The following TPGS2 variants were observed in gnomAD, a reference collection of about 807,000 sequenced individuals.
TPGS2 encodes the protein tubulin polyglutamylase complex subunit 2, also known as polyglutamylase subunit 2.
A neutral mutation model predicts 31.1 loss-of-function variants in TPGS2; 26 were observed. That is an observed-to-expected ratio of 0.84 (90% CI 0.61 to 1.16). The LOEUF (loss-of-function observed/expected upper bound fraction) is 1.16. Ranked by LOEUF, TPGS2 falls within the 50% of genes most tolerant of loss-of-function variation. The pLI, the probability that TPGS2 is intolerant of heterozygous loss-of-function variation, is 0.00. For synonymous variants in TPGS2, 130 were observed against 136.6 expected (o/e 0.95, Z 0.34); for missense variants, 351 against 363.8 (o/e 0.96, Z 0.29).
At position 36,795,572 on chromosome 18, in the gene TPGS2, T is replaced by C; in HGVS notation, c.*1233A>G. The C allele has an allele frequency of 2.0e-6, 2 of 985,454 alleles. No homozygotes were observed. The highest frequency in any genetic ancestry group is 1.2e-6 in the Non-Finnish European group (1 of 829,942). The allele number at this position is 985,454 out of a possible 1,614,324, so 61.0% of individuals were successfully genotyped here. ...CAGGACTGTAGAGGGAGGAAATAAA[T>C]AGGCATTCCTAATTGAAAATCTGAG... is the stretch of plus-strand genomic sequence containing the variant. On this transcript the variant is annotated 3_prime_UTR_variant, in exon 7 of 7. Transcript: ENST00000334295.
chr18:36,793,045 G>A (rs1319526323), downstream of TPGS2, among the ~76,000 whole-genome samples: 1 of 152,126 alleles, frequency 6.6e-6, no homozygotes, highest in Non-Finnish European at 1.5e-5. Flanking sequence ...TCTTTTGCCA[G>A]AAGCGCTCCC....
intron 2 of TPGS2, among the ~76,000 whole-genome samples, chr18:36,817,433 CTT>C (rs111810411): frequency 7.2e-4 from 102 of 140,982 alleles, no homozygotes; most frequent in Non-Finnish European, 7.7e-4. Context: ...TTCTTTCTTT[CTT>C]TTTTTTTTTT....
At position 36,811,406 on chromosome 18, in the gene TPGS2, A is replaced by C. The variant is rs530226388; in HGVS notation, c.166-3472T>G. On this transcript the variant is annotated intron_variant, in intron 2 of 6. Coordinates refer to ENST00000334295, the MANE Select transcript of TPGS2 (RefSeq NM_015476.4). ...AGGAAAGGTAGCATACTTTTTCCAA[A>C]ATCCTTTCTCCACAGAACCATTAGT... Among the ~76,000 whole-genome samples the C allele has an allele frequency of 5.3e-5, 8 of 152,326 alleles. No homozygotes were observed. The South Asian group carries it at 1.7e-3, about 32-fold the overall frequency.
intron 2 of TPGS2, among the ~76,000 whole-genome samples, chr18:36,813,886 G>A: frequency 6.6e-6 from 1 of 152,178 alleles, no homozygotes; most frequent in South Asian, 2.1e-4. Flanking sequence ...AGCATGAAGT[G>A]AGGGGGTCAC....
chr18:36,782,250 CA>C (rs1428305735), downstream of TPGS2, among the ~76,000 whole-genome samples: 1 of 152,150 alleles, frequency 6.6e-6, no homozygotes, highest in Non-Finnish European at 1.5e-5. Flanking sequence ...TTTTAGGGAT[CA>C]AAAAGTTCAC....
At position 36,794,281 on chromosome 18, in the gene TPGS2, C is replaced by G. The variant is rs2044420130; in HGVS notation, c.*2524G>C. On this transcript the variant is annotated 3_prime_UTR_variant, in exon 7 of 7. Transcript: ENST00000334295. ...AAAAGCCTCACATCTTCATTTTGTA[C>G]TGGATCCTGCACTGAGTGGAGTCAG... 1 of 985,308 alleles carries G rather than the reference C, an allele frequency of 1.0e-6. No individual in the cohort carries two copies. Among genetic ancestry groups the G allele is most frequent in the Non-Finnish European group, 1.2e-6 (1 of 829,920 alleles). 61.0% of individuals were successfully genotyped at this position (985,308 alleles called of 1,614,324 possible).
chr18:36,818,789 G>C (rs754292699), intron 2 of TPGS2, 105 bp downstream of exon 2: 7 of 1,038,264 alleles, frequency 6.7e-6, no homozygotes, highest in Non-Finnish European at 8.6e-6. Flanking sequence ...CTTGAAAGCA[G>C]CTGTGGTCTG....
At chr18:36,810,052 A>G (rs2045348222) in intron 2 of TPGS2, among the ~76,000 whole-genome samples, 1 of 152,222 alleles carries the variant, frequency 6.6e-6, no homozygotes, top group Non-Finnish European at 1.5e-5. Flanking sequence ...ATATACATAA[A>G]AATATTCAAG....
chr18:36,780,165 G>C (rs2043968935), downstream of TPGS2: 1 of 1,231,788 alleles, frequency 8.1e-7, no homozygotes, highest in East Asian at 3.2e-5. Flanking sequence ...ACCCTCGCTT[G>C]GAACGGCCTT....
Position 36,805,498 on chromosome 18 carries a change from G to A in TPGS2, c.258C>T (p.His86=), listed in dbSNP as rs1180250961. 4 of 1,614,092 alleles carry A rather than the reference G, an allele frequency of 2.5e-6. No individual in the cohort carries two copies. The Admixed American group carries it at 6.7e-5, about 27-fold the overall frequency. ...HMTWSVKLDE[H]IIPLGSMAIN... Reference sequence around the variant, plus strand: ...TTGCCATGCTTCCCAGTGGAATGATGTGCTCTAGGGGAACATGCGTTAAGG... The same window carrying A: ...TTGCCATGCTTCCCAGTGGAATGATATGCTCTAGGGGAACATGCGTTAAGG... The change falls in exon 4 of 7, where the codon CAC becomes CAT. Residue 86 remains histidine, a synonymous_variant. Transcript: ENST00000334295.
chr18:36,823,944 T>C, intron 1 of TPGS2: 1 of 762,460 alleles, frequency 1.3e-6, no homozygotes, highest in Non-Finnish European at 1.6e-6. Flanking sequence ...TACTGAGACA[T>C]AATTCGCATA....
rs982198686 is a variant in TPGS2 at position 36,786,625 on chromosome 18, G to A, written c.658-3494C>T. ...TATCTTATTGTCACAAAGTTGTTCC[G>A]TCAGTCTTATGATCTCTCTTTTAAT... On this transcript the variant is annotated intron_variant, in intron 6 of 6. Coordinates refer to the TPGS2 transcript ENST00000587129. 17 of 391,672 alleles carry A rather than the reference G, an allele frequency of 4.3e-5. No homozygotes were observed. The South Asian group carries it at 9.9e-4, about 23-fold the overall frequency. The allele number at this position is 391,672 out of a possible 1,614,324, so 24.3% of individuals were successfully genotyped here. A position where few individuals can be genotyped will look rare whatever the true frequency, so the allele number is the denominator to read the frequency against.
chr18:36,811,992 T>C (rs1600806457), intron 2 of TPGS2, among the ~76,000 whole-genome samples: 1 of 152,316 alleles, frequency 6.6e-6, no homozygotes, highest in Middle Eastern at 3.4e-3. Flanking sequence ...CTGCTGGACA[T>C]TAAAATGTAA....
In TPGS2 at chr18:36,794,413, A is replaced by G; in HGVS notation, c.*2392T>C. ...GAGAACTCCCACTTGATTGCCACAG[A>G]TTTGAGTGACACCGCTGACCTCCTG... On this transcript the variant is annotated 3_prime_UTR_variant, in exon 7 of 7. Transcript: ENST00000334295. The G allele has an allele frequency of 1.0e-6, 1 of 985,430 alleles. No individual in the cohort carries two copies. Among genetic ancestry groups the G allele is most frequent in the Non-Finnish European group, 1.2e-6 (1 of 829,942 alleles). The allele number at this position is 985,430 out of a possible 1,614,324, so 61.0% of individuals were successfully genotyped here.
intron 1 of TPGS2, among the ~76,000 whole-genome samples, chr18:36,824,905 G>A (rs549566076): frequency 2.6e-4 from 40 of 152,098 alleles, no homozygotes; most frequent in African/African-American, 9.2e-4. Flanking sequence ...TTTGTGATAT[G>A]TAAGAATCCA....
At chr18:36,822,325 T>C (rs1326771415) in intron 1 of TPGS2, among the ~76,000 whole-genome samples, 1 of 152,232 alleles carries the variant, frequency 6.6e-6, no homozygotes, top group Non-Finnish European at 1.5e-5. Context: ...AGCCTGTGCA[T>C]GGATTCCTCT....
rs2044536159 is a variant in TPGS2, at chr18:36,796,585, A to C, written c.*220T>G. On this transcript the variant is annotated 3_prime_UTR_variant, in exon 7 of 7. Coordinates refer to ENST00000334295, the MANE Select transcript of TPGS2 (RefSeq NM_015476.4). ...TATTTGGGCACTTACACAAGATTCC[A>C]AATTCCCCATTGCTTCCAGAGGCAG... 5 of 1,329,434 alleles carry C rather than the reference A, an allele frequency of 3.8e-6. No homozygotes were observed. The highest frequency in any genetic ancestry group is 4.8e-6 in the Non-Finnish European group (5 of 1,047,454). The allele number at this position is 1,329,434 out of a possible 1,614,324, so 82.4% of individuals were successfully genotyped here.
At chr18:36,817,706 A>G (rs2509889) in intron 2 of TPGS2, 59,663 of 152,098 alleles carry the variant, frequency 0.39, 13,263 homozygotes, top group African/African-American at 0.61. Context: ...CAAAACACTG[A>G]GATTACAAGC....
intron 1 of TPGS2, among the ~76,000 whole-genome samples, chr18:36,824,292 T>C (rs1416269201): frequency 6.6e-6 from 1 of 152,232 alleles, no homozygotes; most frequent in African/African-American, 2.4e-5. Context: ...GTTTGCACTT[T>C]TGACAATTAT....
Sources: gnomAD v4.1 joint callset for allele counts (sites outside exome capture counted in the v4.1 genomes callset) on GRCh38, gnomAD v4.1.1 for gene constraint, MANE v1.5 for transcripts, NCBI Gene and HGNC (gene_info 2026-07-23, HGNC 2026-07-21) for gene names.